The following DNAJB6 variants were observed in gnomAD, a reference collection of about 807,000 sequenced individuals.
DNAJB6 encodes the protein DnaJ heat shock protein family (Hsp40) member B6, also known as dnaJ homolog subfamily B member 6.
A neutral mutation model predicts 42.7 loss-of-function variants in DNAJB6; 16 were observed. The ratio of observed to expected loss-of-function variants is 0.37; its 90% CI spans 0.25 to 0.57. The LOEUF (loss-of-function observed/expected upper bound fraction) is 0.57, where lower values mean the gene tolerates loss of function less well. DNAJB6 is among the 20% of genes least tolerant of loss of function. The probability of loss-of-function intolerance (pLI) is 0.74; values close to 1 mark genes in which losing one functional copy is unlikely to be tolerated. For synonymous variants in DNAJB6, 170 were observed against 163.5 expected (o/e 1.04, Z -0.30); for missense variants, 347 against 416.8 (o/e 0.83, Z 1.46).
At chr7:157,339,646 T>A (rs748955078) in intron 1 of DNAJB6, among the ~76,000 whole-genome samples, 569 of 33,240 alleles carry the variant, frequency 0.017, 11 homozygotes, top group East Asian at 0.031. Context: ...TGTGTGTGTG[T>A]GAGATGGAGT....
At chr7:157,405,225 C>T (rs757583262) in intron 8 of DNAJB6, among the ~76,000 whole-genome samples, 5 of 152,160 alleles carry the variant, frequency 3.3e-5, no homozygotes, top group East Asian at 1.9e-4. Flanking sequence ...GCAATAGCTG[C>T]GTGAGCTCTA....
chr7:157,367,732 G>A (rs952268431), intron 5 of DNAJB6, among the ~76,000 whole-genome samples: 1 of 152,164 alleles, frequency 6.6e-6, no homozygotes, highest in Admixed American at 6.5e-5. Flanking sequence ...GGTGGCGCAT[G>A]CCTGTAATCC....
chr7:157,346,170 A>T (rs1043154878), intron 1 of DNAJB6, among the ~76,000 whole-genome samples: 1 of 152,024 alleles, frequency 6.6e-6, no homozygotes, highest in Non-Finnish European at 1.5e-5. Context: ...TTCAGGGCCA[A>T]CCTTAGGGAG....
At chr7:157,347,703 A>G (rs1798758271) in intron 1 of DNAJB6, among the ~76,000 whole-genome samples, 1 of 152,260 alleles carries the variant, frequency 6.6e-6, no homozygotes, top group Admixed American at 6.5e-5. Context: ...TTAAGCCTCA[A>G]TTATTAGTAA....
At chr7:157,353,628 T>TGTA (rs1318263399) in intron 1 of DNAJB6, among the ~76,000 whole-genome samples, 5 of 150,344 alleles carry the variant, frequency 3.3e-5, no homozygotes, top group African/African-American at 4.9e-5. Context: ...TGTGTATGTA[T>TGTA]TTTTTTTTGT....
chr7:157,353,619 G>GTGTGTGTGTGTGTGTGTGTGTGTGTA (rs765489885), intron 1 of DNAJB6, among the ~76,000 whole-genome samples: 2 of 146,884 alleles, frequency 1.4e-5, no homozygotes, highest in African/African-American at 5.1e-5. Context: ...GTGTGTGTGT[G>GTGTGTGTGTGTGTGTGTGTGTGTGTA]TGTATGTATT....
intron 8 of DNAJB6, among the ~76,000 whole-genome samples, chr7:157,393,980 T>G (rs780314462): frequency 9.8e-5 from 15 of 152,386 alleles, no homozygotes; most frequent in Non-Finnish European, 1.9e-4. Context: ...TCTCATTCTT[T>G]ACATTTGTCC....
At chr7:157,339,853 C>T (rs1451094594) in intron 1 of DNAJB6, 1 of 152,334 alleles carries the variant, frequency 6.6e-6, no homozygotes, top group Non-Finnish European at 1.5e-5. Flanking sequence ...TCTCGAACTC[C>T]TGACCTCAGG....
chr7:157,362,002 G>A (rs1337555734), intron 2 of DNAJB6, among the ~76,000 whole-genome samples: 1 of 152,186 alleles, frequency 6.6e-6, no homozygotes, highest in Non-Finnish European at 1.5e-5. Context: ...CTGACCTCAG[G>A]TGATCCACCC....
intron 8 of DNAJB6, among the ~76,000 whole-genome samples, chr7:157,391,314 CT>C (rs1338842988): frequency 6.6e-6 from 1 of 152,250 alleles, no homozygotes; most frequent in Non-Finnish European, 1.5e-5. Context: ...CAAGTAACCT[CT>C]TACCCAAAAC....
At chr7:157,361,164 T>G (rs992835190) in intron 2 of DNAJB6, among the ~76,000 whole-genome samples, 2 of 150,304 alleles carry the variant, frequency 1.3e-5, no homozygotes, top group African/African-American at 4.9e-5. Context: ...GCTACACGTT[T>G]TTTTTTTTTT....
At chr7:157,343,416 A>C (rs367641166) in intron 1 of DNAJB6, among the ~76,000 whole-genome samples, 1 of 152,016 alleles carries the variant, frequency 6.6e-6, no homozygotes, top group East Asian at 1.9e-4. Context: ...CGGCCCTCCA[A>C]AGTGCTGGGA....
chr7:157,358,915 A>G (rs1345378984), intron 2 of DNAJB6, among the ~76,000 whole-genome samples: 1 of 152,216 alleles, frequency 6.6e-6, no homozygotes, highest in Non-Finnish European at 1.5e-5. Context: ...TGGACTTTGA[A>G]AATGGAGCTG....
In DNAJB6 at chr7:157,351,658, C is replaced by A. The variant is rs561593109; in HGVS notation, c.-26-6889C>A. Among the ~76,000 whole-genome samples, 189 of 34,706 alleles carry A rather than the reference C, an allele frequency of 5.4e-3. 1 individual carries two copies. Among genetic ancestry groups the A allele is most frequent in the African/African-American group, 9.4e-3 (133 of 14,202 alleles). The allele number at this position is 34,706 out of a possible 152,430, so 22.8% of individuals were successfully genotyped here. A position where few individuals can be genotyped will look rare whatever the true frequency, so the allele number is the denominator to read the frequency against. ...AAAACAACAACAACAACAACAACAA[C>A]AACAAAAAAAACCACAAAACTTGTT... On this transcript the variant is annotated intron_variant, in intron 1 of 9. Transcript: ENST00000262177.
intron 1 of DNAJB6, among the ~76,000 whole-genome samples, chr7:157,339,121 C>T (rs1193288469): frequency 6.6e-6 from 1 of 152,000 alleles, no homozygotes; most frequent in Non-Finnish European, 1.5e-5. Flanking sequence ...AGTGTGATAC[C>T]TGTTACTGAG....
intron 8 of DNAJB6, among the ~76,000 whole-genome samples, chr7:157,398,603 A>G (rs1252280231): frequency 2.0e-5 from 3 of 152,128 alleles, no homozygotes; most frequent in Admixed American, 2.0e-4. Context: ...CGATGATTTC[A>G]GTGTGTTTTT....
intron 8 of DNAJB6, among the ~76,000 whole-genome samples, chr7:157,398,003 C>T (rs1007018622): frequency 1.3e-5 from 2 of 152,254 alleles, no homozygotes; most frequent in Non-Finnish European, 2.9e-5. Context: ...CAGAGCGAGA[C>T]TCTTGTCTCA....
chr7:157,393,145 T>C (rs1230726475), intron 8 of DNAJB6, among the ~76,000 whole-genome samples: 2 of 152,064 alleles, frequency 1.3e-5, no homozygotes, highest in Non-Finnish European at 2.9e-5. Flanking sequence ...GGCTAATTTT[T>C]TTGTATTTTT....
At chr7:157,368,525 A>G (rs1020579344) in intron 5 of DNAJB6, 4 of 152,410 alleles carry the variant, frequency 2.6e-5, no homozygotes, top group Non-Finnish European at 5.9e-5. Context: ...CAGTGCTGTT[A>G]TAGCTGCTGT....
Sources: gnomAD v4.1 joint callset for allele counts (sites outside exome capture counted in the v4.1 genomes callset) on GRCh38, gnomAD v4.1.1 for gene constraint, MANE v1.5 for transcripts, NCBI Gene and HGNC (gene_info 2026-07-23, HGNC 2026-07-21) for gene names.